CPN2: variants seen among roughly 807,000 people sequenced by gnomAD.
CPN2 encodes the protein carboxypeptidase N subunit 2, also known as carboxypeptidase N 83 kDa chain.
For synonymous variants in CPN2, 336 were observed against 318.4 expected (o/e 1.06, Z -0.59); for missense variants, 620 against 671.4 (o/e 0.92, Z 0.85).
At chr3:194,344,137 C>T (rs1244968246) in intron 1 of CPN2, among the ~76,000 whole-genome samples, 1 of 152,144 alleles carries the variant, frequency 6.6e-6, no homozygotes, top group Non-Finnish European at 1.5e-5. Flanking sequence ...CTGGAGATTC[C>T]GCTTCTGGCT....
Position 194,342,714 on chromosome 3 carries a change from G to A in CPN2, c.-3-9C>T, listed in dbSNP as rs757866332. ...GCTCCAGGGAGCATCTTCTAGATTC[G>A]AGGAGGGAGAGAGAACAGGAAGAGA... On this transcript the variant is annotated splice_polypyrimidine_tract_variant and intron_variant, in intron 1 of 1. Coordinates refer to ENST00000323830, the MANE Select transcript of CPN2 (RefSeq NM_001080513.4). The A allele has an allele frequency of 8.7e-6, 10 of 1,144,394 alleles. No individual in the cohort carries two copies. The highest frequency in any genetic ancestry group is 1.3e-5 in the Non-Finnish European group (10 of 778,666). The allele number at this position is 1,144,394 out of a possible 1,614,324, so 70.9% of individuals were successfully genotyped here. A position where few individuals can be genotyped will look rare whatever the true frequency, so the allele number is the denominator to read the frequency against.
In CPN2 at chr3:194,340,509, T is replaced by A. The variant is rs934900411; in HGVS notation, c.*556A>T. On this transcript the variant is annotated 3_prime_UTR_variant, in exon 2 of 2. Coordinates refer to ENST00000323830, the MANE Select transcript of CPN2 (RefSeq NM_001080513.4). ...AAAAAATCAGAGCTTAGTCCTCGTG[T>A]GGAGGTGGGTGCCGGCCACAGGGTC... 6.5e-6 allele frequency: 1 copy of A among 152,766 alleles called. No homozygotes were observed. 9.5% of individuals were successfully genotyped at this position (152,766 alleles called of 1,614,324 possible). A position where few individuals can be genotyped will look rare whatever the true frequency, so the allele number is the denominator to read the frequency against.
rs762531777 is a variant in CPN2, at chr3:194,342,417, GC to G, written c.285del (p.Leu96CysfsTer15). 5 of 1,614,210 alleles carry G rather than the reference GC, an allele frequency of 3.1e-6. No homozygotes were observed. The highest frequency in any genetic ancestry group is 2.2e-5 in the East Asian group (1 of 44,886). On this transcript the variant is annotated frameshift_variant, in exon 2 of 2. Transcript: ENST00000323830. LOFTEE classifies it low-confidence loss of function (END_TRUNC). ...ACCTCCAGGTCCTCCAGCCTGGGCA[GC>G]CCCCCGAAGGCATCCGGCCTAAACT... ...LCQFRPDAFG[G>X]LPRLEDLEVT... is the part of the protein sequence containing the mutation.
chr3:194,342,250 G>C lies in CPN2; in HGVS notation c.453C>G (p.His151Gln), dbSNP rs370004005. 2 of 1,614,000 alleles carry C rather than the reference G, an allele frequency of 1.2e-6. No homozygotes were observed. The highest frequency in any genetic ancestry group is 2.2e-5 in the South Asian group (2 of 91,074). Residue 151 changes from histidine to glutamine, a missense_variant, in exon 2 of 2, where the codon CAC becomes CAG. Transcript: ENST00000323830. ...GGGCCTGGAGCTGGTTCCCCTGCAG[G>C]TGGAGGGACTCCAGGGCAGCCAGGT... ...FQHLAALESL[H>Q]LQGNQLQALP...
Position 194,341,929 on chromosome 3 carries a change from G to C in CPN2, c.774C>G (p.Leu258=). The change falls in exon 2 of 2, where the codon CTC becomes CTG. Residue 258 remains leucine, a synonymous_variant. Coordinates refer to ENST00000323830, the MANE Select transcript of CPN2 (RefSeq NM_001080513.4). ...LQRNAITHLP[L]SIFASLGNLT... ...GATTACCCAGGGAGGCAAAGATGGA[G>C]AGCGGCAGGTGCGTGATGGCGTTGC... 1 of 1,614,188 alleles carries C rather than the reference G, an allele frequency of 6.2e-7. No individual in the cohort carries two copies. The highest frequency in any genetic ancestry group is 8.5e-7 in the Non-Finnish European group (1 of 1,180,048).
intron 1 of CPN2, among the ~76,000 whole-genome samples, chr3:194,348,689 G>A (rs1713147760): frequency 6.6e-6 from 1 of 151,874 alleles, no homozygotes; most frequent in African/African-American, 2.4e-5. Context: ...CCAGGAGTTT[G>A]AAATCAGCCT....
intron 1 of CPN2, among the ~76,000 whole-genome samples, chr3:194,344,216 G>A (rs1478367214): frequency 1.3e-5 from 2 of 152,172 alleles, no homozygotes; most frequent in Non-Finnish European, 2.9e-5. Context: ...TGACTCTCCC[G>A]CTCAGTCACT....
At chr3:194,349,115 C>T (rs1200290065) in intron 1 of CPN2, among the ~76,000 whole-genome samples, 2 of 151,988 alleles carry the variant, frequency 1.3e-5, no homozygotes, top group Admixed American at 6.5e-5. Context: ...AATCCCAGCA[C>T]TTTGGGAGGC....
intron 1 of CPN2, among the ~76,000 whole-genome samples, chr3:194,343,913 AT>A (rs1186765511): frequency 2.6e-5 from 4 of 152,242 alleles, no homozygotes; most frequent in Admixed American, 6.5e-5. Flanking sequence ...AAATAAAAAA[AT>A]AAAAACAAAA....
rs749771205 is a variant in CPN2 at position 194,342,074 on chromosome 3, T to C, written c.629A>G (p.Gln210Arg). ...GCTGCCCAGTTTGCCAAACACACCC[T>C]GGGGGAGACCAGAGAGCGCGTTGTT... ...LSNNALSGLP[Q>R]GVFGKLGSLQ... The change falls in exon 2 of 2, where the codon CAG (glutamine) becomes CGG (arginine). Residue 210 changes from glutamine (Q) to arginine (R), a missense_variant. Coordinates refer to ENST00000323830, the MANE Select transcript of CPN2 (RefSeq NM_001080513.4). The C allele has an allele frequency of 6.2e-7, 1 of 1,614,102 alleles. No homozygotes were observed. Among genetic ancestry groups the C allele is most frequent in the Non-Finnish European group, 8.5e-7 (1 of 1,180,004 alleles).
rs556269879 is a variant in CPN2, at chr3:194,346,156, C to T, written c.-3-3451G>A. ...CCCAGGGCAGGCAGACTGGGGCTCC[C>T]GGAGCTACAGTGACTGGCCCAAGGG... is the stretch of plus-strand genomic sequence containing the variant. On this transcript the variant is annotated intron_variant, in intron 1 of 1. Coordinates refer to ENST00000323830, the MANE Select transcript of CPN2 (RefSeq NM_001080513.4). 5.3e-5 allele frequency among the ~76,000 whole-genome samples: 8 copies of T among 152,302 alleles called. No homozygotes were observed. In the South Asian group the frequency reaches 1.0e-3, roughly 20 times the overall value.
intron 1 of CPN2, among the ~76,000 whole-genome samples, chr3:194,349,604 G>A (rs984630280): frequency 6.6e-6 from 1 of 151,884 alleles, no homozygotes; most frequent in African/African-American, 2.4e-5. Context: ...TGTTGCAAAG[G>A]CCCGAGGGAG....
chr3:194,341,571 C>T lies in CPN2; in HGVS notation c.1132G>A (p.Glu378Lys), dbSNP rs775357382. 8 of 1,614,146 alleles carry T rather than the reference C, an allele frequency of 5.0e-6. No homozygotes were observed. The South Asian group carries it at 8.8e-5, about 18-fold the overall frequency. Reference sequence around the variant, plus strand: ...TTGTAGTTGGTGTCGAAGATGCCCTCCGGAAGTGTGGTCAGCTGGTTCTTG... The same window carrying T: ...TTGTAGTTGGTGTCGAAGATGCCCTTCGGAAGTGTGGTCAGCTGGTTCTTG... The part of the protein sequence containing the change: ...LSKNQLTTLP[E>K]GIFDTNYNLF... The change falls in exon 2 of 2, where the codon GAG becomes AAG. Residue 378 changes from glutamate (E) to lysine (K), a missense_variant. Transcript: ENST00000323830.
In CPN2 at chr3:194,341,084, G is replaced by T; in HGVS notation, c.1619C>A (p.Ala540Asp). ...GSLRLTVSIEARAAGP is the reference protein window; with the variant it reads ...GSLRLTVSIEDRAAGP ...CTGCTACTAGGGCCCTGCTGCCCGA[G>T]CCTCGATAGACACGGTGAGCCGCAG... The change falls in exon 2 of 2, where the codon GCT becomes GAT. Residue 540 changes from alanine to aspartate, a missense_variant. Coordinates refer to ENST00000323830, the MANE Select transcript of CPN2 (RefSeq NM_001080513.4). The T allele has an allele frequency of 6.2e-7, 1 of 1,604,746 alleles. No homozygotes were observed. The highest frequency in any genetic ancestry group is 8.5e-7 in the Non-Finnish European group (1 of 1,173,790).
At position 194,342,079 on chromosome 3, in the gene CPN2, G is replaced by T. The variant is rs369711432; in HGVS notation, c.624C>A (p.Leu208=). The change falls in exon 2 of 2, where the codon CTC becomes CTA. Residue 208 remains leucine, a synonymous_variant. Transcript: ENST00000323830. ...LKLSNNALSG[L]PQGVFGKLGS... Reference sequence around the variant, plus strand: ...CCAGTTTGCCAAACACACCCTGGGGGAGACCAGAGAGCGCGTTGTTGCTCA... The same window carrying T: ...CCAGTTTGCCAAACACACCCTGGGGTAGACCAGAGAGCGCGTTGTTGCTCA... The T allele has an allele frequency of 9.0e-5, 146 of 1,614,080 alleles. No individual in the cohort carries two copies. Among genetic ancestry groups the T allele is most frequent in the Middle Eastern group, 1.6e-4 (1 of 6,084 alleles).
chr3:194,341,647 C>T lies in CPN2; in HGVS notation c.1056G>A (p.Leu352=). Residue 352 remains leucine (L), a synonymous_variant, in exon 2 of 2, where the codon CTG becomes CTA. Coordinates refer to ENST00000323830, the MANE Select transcript of CPN2 (RefSeq NM_001080513.4). ...ACAGGTTCTGGAAGAGGGCTGGGTGCAGCGCCGTAAGGTTGTTGCTGCCCA... is the reference window on the plus strand; with the variant it reads ...ACAGGTTCTGGAAGAGGGCTGGGTGTAGCGCCGTAAGGTTGTTGCTGCCCA... ...LYLGSNNLTA[L]HPALFQNLSK... 6.2e-7 allele frequency: 1 copy of T among 1,614,160 alleles called. No individual in the cohort carries two copies. The highest frequency in any genetic ancestry group is 1.6e-4 in the Middle Eastern group (1 of 6,062).
At chr3:194,343,713 T>G (rs997646281) in intron 1 of CPN2, among the ~76,000 whole-genome samples, 3 of 152,252 alleles carry the variant, frequency 2.0e-5, no homozygotes, top group African/African-American at 7.2e-5. Flanking sequence ...TGCTTCAGTT[T>G]CCTTATCTGT....
At chr3:194,349,618 G>A (rs2108651742) in intron 1 of CPN2, among the ~76,000 whole-genome samples, 1 of 152,034 alleles carries the variant, frequency 6.6e-6, no homozygotes, top group Non-Finnish European at 1.5e-5. Context: ...GAGGGAGCTT[G>A]TCTATCCTCT....
rs1196341703 is a variant in CPN2 at position 194,342,185 on chromosome 3, G to A, written c.518C>T (p.Thr173Ile). 4.3e-6 allele frequency: 7 copies of A among 1,614,136 alleles called. No individual in the cohort carries two copies. The highest frequency in any genetic ancestry group is 5.9e-6 in the Non-Finnish European group (7 of 1,179,984). ...CAGGAGGTTCTGGGCCAGGTTGAGT[G>A]TCTTCAGATGGGTCAGAGGCTGGAA... ...RLFQPLTHLK[T>I]LNLAQNLLAQ... is the part of the protein sequence containing the mutation. The change falls in exon 2 of 2, where the codon ACA becomes ATA. Residue 173 changes from threonine (T) to isoleucine (I), a missense_variant. Thr to Ile is a moderately conservative substitution (Grantham distance 89). Transcript: ENST00000323830.
Sources: gnomAD v4.1 joint callset for allele counts (sites outside exome capture counted in the v4.1 genomes callset) on GRCh38, gnomAD v4.1.1 for gene constraint, MANE v1.5 for transcripts, NCBI Gene and HGNC (gene_info 2026-07-23, HGNC 2026-07-21) for gene names.